LCK: variants seen among roughly 807,000 people sequenced by gnomAD.
The protein encoded by LCK is LCK proto-oncogene, Src family tyrosine kinase, also known as tyrosine-protein kinase Lck.
Under a neutral mutation model 64.6 loss-of-function variants are expected in LCK, and 14 were observed. The observed-to-expected ratio is 0.22, with a 90% CI of 0.14 to 0.34. LCK has a LOEUF of 0.34. Ranked by LOEUF, LCK falls within the 10% of genes least tolerant of loss-of-function variation. LCK has a pLI of 1.00. For synonymous variants in LCK, 277 were observed against 263.6 expected, an observed-to-expected ratio of 1.05 and a Z score of -0.49; for missense variants, 434 against 668.1, an observed-to-expected ratio of 0.65 and a Z score of 3.86.
intron 1 of LCK, among the ~76,000 whole-genome samples, chr1:32,272,367 T>C (rs934234575): frequency 3.3e-5 from 5 of 152,078 alleles, no homozygotes; most frequent in South Asian, 2.1e-4. Context: ...GGCAGGAGGA[T>C]TGCTTGAGCC....
chr1:32,273,722 C>T (rs1239682642), intron 1 of LCK, among the ~76,000 whole-genome samples: 1 of 152,098 alleles, frequency 6.6e-6, no homozygotes, highest in East Asian at 1.9e-4. Flanking sequence ...CCAACAGAGT[C>T]ACTGGAGGGT....
At position 32,275,274 on chromosome 1, in the gene LCK, C is replaced by G; in HGVS notation, c.279-47C>G. The G allele has an allele frequency of 6.3e-7, 1 of 1,591,966 alleles. No individual in the cohort carries two copies. Among genetic ancestry groups the G allele is most frequent in the Non-Finnish European group, 8.6e-7 (1 of 1,160,216 alleles). ...TGGAGGGGTCTTTGAGGGAGGGTCT[C>G]AGGTCGACGGCTGAGCGAGCCACAC... On this transcript the variant is annotated intron_variant, in intron 4 of 12. Transcript: ENST00000336890. This position sits in a 1 kb window ranked among gnomAD's most constrained non-coding sequence, Gnocchi z 6.9.
At chr1:32,278,887 A>C (rs1640363109) in intron 9 of LCK, among the ~76,000 whole-genome samples, 1 of 152,146 alleles carries the variant, frequency 6.6e-6, no homozygotes, top group Non-Finnish European at 1.5e-5. Flanking sequence ...ATCTCTTGGG[A>C]AGGGCCATTG....
At chr1:32,266,633 C>A (rs1369986044) in intron 1 of LCK, among the ~76,000 whole-genome samples, 2 of 144,762 alleles carry the variant, frequency 1.4e-5, no homozygotes, top group Admixed American at 1.4e-4. Context: ...CCTCCTTCAC[C>A]TCCTCCTCCT....
Position 32,285,911 on chromosome 1 carries a change from A to G in LCK, c.*195A>G, listed in dbSNP as rs1640602716. The G allele has an allele frequency of 6.5e-6, 4 of 617,308 alleles. No homozygotes were observed. Among genetic ancestry groups the G allele is most frequent in the South Asian group, 5.8e-5 (3 of 52,054 alleles). The allele number at this position is 617,308 out of a possible 1,614,324, so 38.2% of individuals were successfully genotyped here. ...CGTGGACTCTGCACATGTCTTGTAC[A>G]TGTGTAGCCTGTGCATGTATGTCTT... On this transcript the variant is annotated 3_prime_UTR_variant, in exon 13 of 13. Transcript: ENST00000336890.
chr1:32,275,467 C>A lies in LCK; in HGVS notation c.377+48C>A, dbSNP rs776099674. The A allele has an allele frequency of 1.3e-6, 2 of 1,597,564 alleles. No individual in the cohort carries two copies. The highest frequency in any genetic ancestry group is 2.2e-5 in the East Asian group (1 of 44,528). On this transcript the variant is annotated intron_variant, in intron 5 of 12. Transcript: ENST00000336890. The surrounding 1 kb of genome is among the most constrained non-coding windows in gnomAD (Gnocchi z 6.9). ...GGTGGGTAGGAGCAGATCTAGGGAT[C>A]CTGGAGCAGGGAGTAGGCCTGGGGT... is the stretch of plus-strand genomic sequence containing the variant.
chr1:32,278,165 C>T (rs564988225), intron 9 of LCK, among the ~76,000 whole-genome samples: 4 of 152,048 alleles, frequency 2.6e-5, no homozygotes, highest in African/African-American at 7.2e-5. Context: ...GGTAACAGAG[C>T]GAGACCTTGT....
chr1:32,264,535 A>G (rs951732956), intron 1 of LCK, among the ~76,000 whole-genome samples: 6 of 151,992 alleles, frequency 3.9e-5, no homozygotes, highest in Non-Finnish European at 8.8e-5. Context: ...TGCATCTGCC[A>G]GGAACCCTCA....
intron 1 of LCK, among the ~76,000 whole-genome samples, chr1:32,265,987 T>C (rs962464874): frequency 2.6e-5 from 4 of 152,172 alleles, no homozygotes; most frequent in Non-Finnish European, 4.4e-5. Context: ...GGTGTTGCTC[T>C]CTTGCTCTGT....
At position 32,285,943 on chromosome 1, in the gene LCK, T is replaced by C. The variant is rs1640603558; in HGVS notation, c.*227T>C. On this transcript the variant is annotated 3_prime_UTR_variant, in exon 13 of 13. Coordinates refer to ENST00000336890, the MANE Select transcript of LCK (RefSeq NM_005356.5). ...GCCTGTGCATGTATGTCTTGGACAC[T>C]GTACAAGGTACCCCTTTCTGGCTCT... 1 of 559,306 alleles carries C rather than the reference T, an allele frequency of 1.8e-6. No homozygotes were observed. Among genetic ancestry groups the C allele is most frequent in the Non-Finnish European group, 3.2e-6 (1 of 313,124 alleles). The allele number at this position is 559,306 out of a possible 1,614,324, so 34.6% of individuals were successfully genotyped here.
At chr1:32,266,417 G>A (rs1639910137) in intron 1 of LCK, among the ~76,000 whole-genome samples, 1 of 147,640 alleles carries the variant, frequency 6.8e-6, no homozygotes, top group Non-Finnish European at 1.5e-5. Context: ...AGAAGGGCGT[G>A]AACCCAGGAG....
intron 1 of LCK, among the ~76,000 whole-genome samples, chr1:32,265,748 A>G (rs1314074179): frequency 6.6e-6 from 1 of 151,734 alleles, no homozygotes; most frequent in Non-Finnish European, 1.5e-5. Context: ...ATGATCTCCA[A>G]CCTAGATTCC....
In LCK at chr1:32,285,509, CG is replaced by C; in HGVS notation, c.1328-4del. On this transcript the variant is annotated splice_region_variant and splice_polypyrimidine_tract_variant and intron_variant, in intron 12 of 12. Transcript: ENST00000336890. ...CTTGATGTCCTTTCACCCATCAACCCGTAGGGATGACCAACCCGGAGGTGAT... is the reference window on the plus strand; with the variant it reads ...CTTGATGTCCTTTCACCCATCAACCCTAGGGATGACCAACCCGGAGGTGAT... The C allele has an allele frequency of 3.1e-6, 5 of 1,614,008 alleles. No homozygotes were observed. Among genetic ancestry groups the C allele is most frequent in the Non-Finnish European group, 3.4e-6 (4 of 1,179,874 alleles).
In LCK at chr1:32,276,318, C is replaced by G. The variant is rs771853901; in HGVS notation, c.632-19C>G. Reference sequence around the variant, plus strand: ...GGCCTGCCCTATTGACAGCCTTCACCCCTCCCTCGTCCTCGCAGATGCTTC... The same window carrying G: ...GGCCTGCCCTATTGACAGCCTTCACGCCTCCCTCGTCCTCGCAGATGCTTC... On this transcript the variant is annotated intron_variant, in intron 7 of 12. Transcript: ENST00000336890. The surrounding 1 kb of genome is among the most constrained non-coding windows in gnomAD (Gnocchi z 4.6). 2 of 1,541,170 alleles carry G rather than the reference C, an allele frequency of 1.3e-6. No individual in the cohort carries two copies. Among genetic ancestry groups the G allele is most frequent in the East Asian group, 4.5e-5 (2 of 44,322 alleles).
chr1:32,263,496 G>A (rs1276485693), intron 1 of LCK, among the ~76,000 whole-genome samples: 3 of 151,924 alleles, frequency 2.0e-5, no homozygotes, highest in Non-Finnish European at 4.4e-5. Flanking sequence ...CAACACTTTC[G>A]GAGTCTGAGG....
chr1:32,260,580 C>G (rs1639742500), intron 1 of LCK, among the ~76,000 whole-genome samples: 1 of 152,070 alleles, frequency 6.6e-6, no homozygotes, highest in Non-Finnish European at 1.5e-5. Flanking sequence ...GAAATGATCC[C>G]TAAAGGAAGT....
intron 1 of LCK, among the ~76,000 whole-genome samples, chr1:32,261,390 G>A (rs1639765166): frequency 6.6e-6 from 1 of 151,776 alleles, no homozygotes; most frequent in Non-Finnish European, 1.5e-5. Flanking sequence ...GCTCAAGCCT[G>A]TAATCCCAGC....
chr1:32,279,697 C>A lies in LCK; in HGVS notation c.991C>A (p.Pro331Thr). The change falls in exon 10 of 13, where the codon CCT (proline) becomes ACT (threonine). Residue 331 changes from proline to threonine, a missense_variant. Physicochemically the swap from Pro to Thr is conservative, Grantham distance 38. Around this residue, in one of 2 missense-constraint regions of LCK, gnomAD observed 201 missense variants for 376.9 expected, o/e 0.53. Transcript: ENST00000336890. ...NGSLVDFLKTPSGIKLTINKL... is the reference protein window; with the variant it reads ...NGSLVDFLKTTSGIKLTINKL... ...GAGTCTAGTGGATTTTCTCAAGACC[C>A]CTTCAGGCATCAAGTTGACCATCAA... The A allele has an allele frequency of 6.2e-7, 1 of 1,613,918 alleles. No homozygotes were observed. The highest frequency in any genetic ancestry group is 8.5e-7 in the Non-Finnish European group (1 of 1,179,860).
Position 32,285,798 on chromosome 1 carries a change from T to A in LCK, c.*82T>A. On this transcript the variant is annotated 3_prime_UTR_variant, in exon 13 of 13. Coordinates refer to ENST00000336890, the MANE Select transcript of LCK (RefSeq NM_005356.5). Reference sequence around the variant, plus strand: ...ATGGAGTTCTTGTGCCATAGTCACATGGCCTATGCACATATGGACTCTGCA... The same window carrying A: ...ATGGAGTTCTTGTGCCATAGTCACAAGGCCTATGCACATATGGACTCTGCA... 7.1e-7 allele frequency: 1 copy of A among 1,417,604 alleles called. No homozygotes were observed. The highest frequency in any genetic ancestry group is 9.7e-7 in the Non-Finnish European group (1 of 1,030,772). 87.8% of individuals were successfully genotyped at this position (1,417,604 alleles called of 1,614,324 possible). A position where few individuals can be genotyped will look rare whatever the true frequency, so the allele number is the denominator to read the frequency against.
Sources: allele counts gnomAD v4.1 joint callset (sites outside exome capture counted in the v4.1 genomes callset), GRCh38; gene constraint gnomAD v4.1.1; regional missense constraint gnomAD v4.1.1; non-coding constraint Gnocchi (gnomAD v3.1); transcripts MANE v1.5; gene names NCBI Gene and HGNC (gene_info 2026-07-23, HGNC 2026-07-21).